AGAP1: variants seen among roughly 807,000 people sequenced by gnomAD.
The protein encoded by AGAP1 is arf-GAP with GTPase, ANK repeat and PH domain-containing protein 1.
In AGAP1, 29 loss-of-function variants were observed where a neutral mutation model predicts 105.3. That is an observed-to-expected ratio of 0.28 (90% confidence interval 0.21 to 0.38). The LOEUF is 0.38. Ranked by LOEUF, AGAP1 falls within the 10% of genes least tolerant of loss-of-function variation. The pLI is 1.00. For synonymous variants in AGAP1, 509 were observed against 485.9 expected, an observed-to-expected ratio of 1.05 and a Z score of -0.63; for missense variants, 998 against 1,165.1, an observed-to-expected ratio of 0.86 and a Z score of 2.09.
At chr2:235,670,711 C>T (rs1438218536) in intron 1 of AGAP1, 4 of 782,084 alleles carry the variant, frequency 5.1e-6, no homozygotes, top group African/African-American at 3.6e-5. Flanking sequence ...CGCAGCCCGC[C>T]TCGGAGAAGC....
At position 235,882,549 on chromosome 2, in the gene AGAP1, T is replaced by G. The variant is rs889074258; in HGVS notation, c.1051-796T>G. Reference sequence around the variant, plus strand: ...GGGCTCTTAGCTCACTGCAACACTCTGCCTCCTGGGTTCAAGCAATTCCCC... The same window carrying G: ...GGGCTCTTAGCTCACTGCAACACTCGGCCTCCTGGGTTCAAGCAATTCCCC... On this transcript the variant is annotated intron_variant, in intron 9 of 17. Transcript: ENST00000304032. This position sits in a 1 kb window ranked among gnomAD's most constrained non-coding sequence, Gnocchi z 4.6. The G allele has an allele frequency of 3.4e-6, 3 of 892,732 alleles. No homozygotes were observed. The highest frequency in any genetic ancestry group is 4.4e-5 in the Admixed American group (2 of 45,040). 55.3% of individuals were successfully genotyped at this position (892,732 alleles called of 1,614,324 possible).
chr2:236,027,851 G>C lies in AGAP1; in HGVS notation c.1646-8710G>C, dbSNP rs948924865. On this transcript the variant is annotated intron_variant, in intron 13 of 17. Coordinates refer to ENST00000304032, the MANE Select transcript of AGAP1 (RefSeq NM_001037131.3). This position sits in a 1 kb window ranked among gnomAD's most constrained non-coding sequence, Gnocchi z 4.4. ...CCTGCCCTGTGATCACAGGGCCTTT[G>C]TGCATGCTACATACACGTCAGAGAC... is the stretch of plus-strand genomic sequence containing the variant. Among the ~76,000 whole-genome samples, 1 of 152,088 alleles carries C rather than the reference G, an allele frequency of 6.6e-6. No homozygotes were observed. Among genetic ancestry groups the C allele is most frequent in the Non-Finnish European group, 1.5e-5 (1 of 68,016 alleles).
chr2:235,708,402 G>T (rs1950658455), intron 1 of AGAP1, among the ~76,000 whole-genome samples: 1 of 152,144 alleles, frequency 6.6e-6, no homozygotes. Flanking sequence ...CTGGGTTGCA[G>T]GTAAAGCCAT....
intron 1 of AGAP1, among the ~76,000 whole-genome samples, chr2:235,524,909 G>C (rs953702124): frequency 6.6e-6 from 1 of 152,174 alleles, no homozygotes. Flanking sequence ...CTAATTCTTT[G>C]TGCAGATTCT....
intron 1 of AGAP1, among the ~76,000 whole-genome samples, chr2:235,626,406 C>T (rs905112982): frequency 1.3e-5 from 2 of 152,150 alleles, no homozygotes; most frequent in Non-Finnish European, 2.9e-5. Flanking sequence ...CATAAGCTTG[C>T]TTGTTCCATT....
Position 235,609,311 on chromosome 2 carries a change from C to T in AGAP1, c.164-99868C>T, listed in dbSNP as rs572216197. On this transcript the variant is annotated intron_variant, in intron 1 of 17. Coordinates refer to ENST00000304032, the MANE Select transcript of AGAP1 (RefSeq NM_001037131.3). This position sits in a 1 kb window ranked among gnomAD's most constrained non-coding sequence, Gnocchi z 5.1. The stretch of plus-strand genomic sequence containing the variant: ...AAGAGAACACAATGAAATTGAGTCC[C>T]TAGCAGGAGAAGTCCCTGTTAAAAT... Among the ~76,000 whole-genome samples the T allele has an allele frequency of 1.3e-5, 2 of 152,228 alleles. No individual in the cohort carries two copies. The highest frequency in any genetic ancestry group is 2.4e-5 in the African/African-American group (1 of 41,542).
At chr2:235,857,360 T>C (rs113290540) in intron 9 of AGAP1, among the ~76,000 whole-genome samples, 23 of 152,028 alleles carry the variant, frequency 1.5e-4, no homozygotes, top group African/African-American at 5.3e-4. Flanking sequence ...CGTGGAAAAA[T>C]TGTCTTCCAG....
At position 235,573,006 on chromosome 2, in the gene AGAP1, C is replaced by CT. The variant is rs1351138259; in HGVS notation, c.163+78159dup. On this transcript the variant is annotated intron_variant, in intron 1 of 17. Coordinates refer to ENST00000304032, the MANE Select transcript of AGAP1 (RefSeq NM_001037131.3). ...TCTTCTTCTTCTTCTTCTTCTTCTT[C>CT]TTCTTCTTCTTCTTCTTCTTCTTCT... 4.2e-4 allele frequency among the ~76,000 whole-genome samples: 10 copies of CT among 23,826 alleles called. 1 individual carries two copies. The East Asian group carries it at 0.013, about 31-fold the overall frequency. 15.6% of individuals were successfully genotyped at this position (23,826 alleles called of 152,430 possible).
In AGAP1 at chr2:235,740,309, G is replaced by T. The variant is rs1000158360; in HGVS notation, c.311-654G>T. Among the ~76,000 whole-genome samples, 3 of 152,020 alleles carry T rather than the reference G, an allele frequency of 2.0e-5. No individual in the cohort carries two copies. Among genetic ancestry groups the T allele is most frequent in the African/African-American group, 7.2e-5 (3 of 41,390 alleles). On this transcript the variant is annotated intron_variant, in intron 3 of 17. Coordinates refer to ENST00000304032, the MANE Select transcript of AGAP1 (RefSeq NM_001037131.3). The surrounding 1 kb of genome is among the most constrained non-coding windows in gnomAD (Gnocchi z 5.7). ...TCATGGTCACCTCTGTTCCTGCAGG[G>T]TCCCGGTGGTCTCCCGCTAACCCCG...
At chr2:235,497,772 T>C (rs1941383513) in intron 1 of AGAP1, among the ~76,000 whole-genome samples, 1 of 152,140 alleles carries the variant, frequency 6.6e-6, no homozygotes. Flanking sequence ...TTTTTTCTGT[T>C]TTTTTAGTAG....
At chr2:235,598,315 G>A (rs1945609569) in intron 1 of AGAP1, among the ~76,000 whole-genome samples, 1 of 152,034 alleles carries the variant, frequency 6.6e-6, no homozygotes, top group Admixed American at 6.6e-5. Context: ...GGAATAATTG[G>A]GTAAATAATT....
intron 16 of AGAP1, among the ~76,000 whole-genome samples, chr2:236,091,540 G>T (rs2059060718): frequency 6.6e-6 from 1 of 152,194 alleles, no homozygotes; most frequent in African/African-American, 2.4e-5. Flanking sequence ...GGAGGCTGAG[G>T]CAGGCAGATA....
chr2:235,845,641 T>C lies in AGAP1; in HGVS notation c.1051-37704T>C, dbSNP rs1480555450. Among the ~76,000 whole-genome samples the C allele has an allele frequency of 6.6e-6, 1 of 151,856 alleles. No individual in the cohort carries two copies. The highest frequency in any genetic ancestry group is 1.5e-5 in the Non-Finnish European group (1 of 67,980). On this transcript the variant is annotated intron_variant, in intron 9 of 17. Coordinates refer to ENST00000304032, the MANE Select transcript of AGAP1 (RefSeq NM_001037131.3). The surrounding 1 kb of genome is among the most constrained non-coding windows in gnomAD (Gnocchi z 4.8). ...CTGCTTTTTAATTTCTCAGTGTATG[T>C]TTTCTGGTATAATCTGCTTGTCTTT...
At chr2:235,580,444 T>C (rs542351774) in intron 1 of AGAP1, among the ~76,000 whole-genome samples, 2 of 151,784 alleles carry the variant, frequency 1.3e-5, no homozygotes, top group South Asian at 4.2e-4. Context: ...CCCTCGGTGC[T>C]TGTTGGAGGC....
rs1189268877 is a variant in AGAP1 at position 236,073,021 on chromosome 2, C to G, written c.2114+23740C>G. The stretch of plus-strand genomic sequence containing the variant: ...ATATTCTTTTTTTTTTTTTCCTAGA[C>G]AGTCTCGCTGTGTCTCCAGGCTGGA... On this transcript the variant is annotated intron_variant, in intron 16 of 17. Transcript: ENST00000304032. The surrounding 1 kb of genome is among the most constrained non-coding windows in gnomAD (Gnocchi z 5.4). Among the ~76,000 whole-genome samples the G allele has an allele frequency of 6.6e-6, 1 of 150,708 alleles. No homozygotes were observed. The highest frequency in any genetic ancestry group is 1.5e-5 in the Non-Finnish European group (1 of 67,814).
At chr2:235,584,973 C>A (rs1023296207) in intron 1 of AGAP1, among the ~76,000 whole-genome samples, 2 of 148,930 alleles carry the variant, frequency 1.3e-5, no homozygotes, top group African/African-American at 5.0e-5. Flanking sequence ...CACCCCCCTA[C>A]CCACTTAGGT....
intron 9 of AGAP1, among the ~76,000 whole-genome samples, chr2:235,819,399 G>A (rs1958652630): frequency 6.6e-6 from 1 of 152,138 alleles, no homozygotes. Flanking sequence ...ACAGGCGTGA[G>A]CCACTGCGCC....
At position 236,014,732 on chromosome 2, in the gene AGAP1, CT is replaced by C. The variant is rs1314976232; in HGVS notation, c.1646-21825del. ...CTACTTTGACCTTTTTTTTTCTCCC[CT>C]TTTCATTTGTTTTCTTTTCCTTTTT... On this transcript the variant is annotated intron_variant, in intron 13 of 17. Coordinates refer to ENST00000304032, the MANE Select transcript of AGAP1 (RefSeq NM_001037131.3). This position sits in a 1 kb window ranked among gnomAD's most constrained non-coding sequence, Gnocchi z 6.3. 12 of 388,810 alleles carry C rather than the reference CT, an allele frequency of 3.1e-5. No homozygotes were observed. Among genetic ancestry groups the C allele is most frequent in the Middle Eastern group, 3.8e-4 (1 of 2,642 alleles). The allele number at this position is 388,810 out of a possible 1,614,324, so 24.1% of individuals were successfully genotyped here.
chr2:235,573,873 G>A (rs1257200308), intron 1 of AGAP1, among the ~76,000 whole-genome samples: 1 of 152,242 alleles, frequency 6.6e-6, no homozygotes, highest in East Asian at 1.9e-4. Flanking sequence ...GGCCAGCTGA[G>A]AGGCTGGAGA....
Sources: gnomAD v4.1 joint callset for allele counts (sites outside exome capture counted in the v4.1 genomes callset) on GRCh38, gnomAD v4.1.1 for gene constraint, Gnocchi (gnomAD v3.1) non-coding constraint, MANE v1.5 for transcripts, NCBI Gene and HGNC (gene_info 2026-07-23, HGNC 2026-07-21) for gene names.